Variants in RAD51B observed in about 807,000 individuals in gnomAD.
RAD51B encodes the protein RAD51 paralog B, also known as DNA repair protein RAD51 homolog 2.
RAD51B carries 38 observed loss-of-function variants against 42.2 expected under a neutral mutation model. That is an observed-to-expected ratio of 0.90 (90% CI 0.70 to 1.18). RAD51B has a LOEUF of 1.18. RAD51B is among the 50% of genes most tolerant of loss of function. RAD51B has a pLI of 0.00. For missense variants in RAD51B, 373 were observed against 400.7 expected (o/e 0.93, Z 0.59); for synonymous variants, 154 against 145.2 (o/e 1.06, Z -0.43).
chr14:68,042,566 G>GT (rs1023389311), intron 7 of RAD51B, among the ~76,000 whole-genome samples: 11 of 151,884 alleles, frequency 7.2e-5, no homozygotes, highest in South Asian at 2.1e-4. Flanking sequence ...GAATTGAAGG[G>GT]TTTTTTTTCC....
chr14:68,095,411 G>A (rs987054842), intron 7 of RAD51B, among the ~76,000 whole-genome samples: 1 of 151,996 alleles, frequency 6.6e-6, no homozygotes, highest in Non-Finnish European at 1.5e-5. Context: ...TTGGGATCAT[G>A]CTTAATTGTG....
intron 7 of RAD51B, among the ~76,000 whole-genome samples, chr14:68,224,391 G>A (rs2079993170): frequency 6.6e-6 from 1 of 152,040 alleles, no homozygotes; most frequent in Admixed American, 6.5e-5. Flanking sequence ...AAGTGATGTA[G>A]CTCTTCCTTT....
chr14:68,604,375 G>A (rs1891355683), intron 10 of RAD51B, among the ~76,000 whole-genome samples: 1 of 79,148 alleles, frequency 1.3e-5, no homozygotes, highest in South Asian at 5.7e-4. Context: ...AAATATTCTA[G>A]AGATTTTTCA....
intron 9 of RAD51B, among the ~76,000 whole-genome samples, chr14:68,457,773 ATTTTT>A (rs771439291): frequency 1.9e-5 from 2 of 106,764 alleles, no homozygotes; most frequent in Admixed American, 9.5e-5. Context: ...TAATTTTTGT[ATTTTT>A]TTTTTTTTTT....
chr14:68,231,235 G>A (rs746211446), intron 7 of RAD51B, among the ~76,000 whole-genome samples: 2 of 152,056 alleles, frequency 1.3e-5, no homozygotes, highest in Non-Finnish European at 2.9e-5. Flanking sequence ...TTCTCAAGTG[G>A]ATGACCAGCT....
intron 9 of RAD51B, chr14:68,422,113 C>T: frequency 6.8e-7 from 1 of 1,462,506 alleles, no homozygotes; most frequent in Non-Finnish European, 9.6e-7. Context: ...TCTTTGGGAT[C>T]TTGTCTGCAA....
At chr14:68,037,718 C>G (rs1301565107) in intron 7 of RAD51B, among the ~76,000 whole-genome samples, 1 of 152,190 alleles carries the variant, frequency 6.6e-6, no homozygotes, top group Non-Finnish European at 1.5e-5. Context: ...AGTTGGTGAA[C>G]AGATCTCACT....
intron 9 of RAD51B, among the ~76,000 whole-genome samples, chr14:68,441,687 C>T (rs2085296670): frequency 6.6e-6 from 1 of 151,950 alleles, no homozygotes; most frequent in Non-Finnish European, 1.5e-5. Context: ...AATTCTAGCT[C>T]TGTTTCTAAT....
intron 7 of RAD51B, chr14:68,113,720 C>G (rs2077495390): frequency 1.3e-5 from 2 of 152,002 alleles, no homozygotes; most frequent in African/African-American, 4.8e-5. Flanking sequence ...AACTGATTAT[C>G]TGGATACCAG....
Position 67,865,156 on chromosome 14 carries a change from T to A in RAD51B, c.452+17T>A. ...TGCTGAAAGGTATGAGATTTTATTT[T>A]CTATTATAATGTTTTACTTTTGTAA... On this transcript the variant is annotated intron_variant, in intron 5 of 10. Transcript: ENST00000471583. The A allele has an allele frequency of 6.3e-7, 1 of 1,580,982 alleles. No individual in the cohort carries two copies. Among genetic ancestry groups the A allele is most frequent in the South Asian group, 1.2e-5 (1 of 86,112 alleles).
chr14:68,318,566 T>C (rs34323734), intron 8 of RAD51B, among the ~76,000 whole-genome samples: 124 of 152,302 alleles, frequency 8.1e-4, no homozygotes, highest in African/African-American at 2.1e-3. Context: ...TCAGTTGTTT[T>C]TGATATTACT....
intron 9 of RAD51B, among the ~76,000 whole-genome samples, chr14:68,434,921 G>C (rs905584213): frequency 1.3e-5 from 2 of 152,140 alleles, no homozygotes; most frequent in African/African-American, 4.8e-5. Flanking sequence ...TTTATTTGTT[G>C]ATACACCTTT....
At chr14:68,255,894 G>A (rs2080744535) in intron 7 of RAD51B, among the ~76,000 whole-genome samples, 1 of 152,208 alleles carries the variant, frequency 6.6e-6, no homozygotes, top group Non-Finnish European at 1.5e-5. Flanking sequence ...AAATGAGGCA[G>A]ATGGATTGTT....
chr14:67,895,860 T>A lies in RAD51B; in HGVS notation c.756+8656T>A, dbSNP rs760014554. Among the ~76,000 whole-genome samples the A allele has an allele frequency of 3.3e-5, 5 of 152,120 alleles. No individual in the cohort carries two copies. The East Asian group carries it at 9.6e-4, about 29-fold the overall frequency. On this transcript the variant is annotated intron_variant, in intron 7 of 10. Coordinates refer to ENST00000471583, the MANE Select transcript of RAD51B (RefSeq NM_133510.4). The stretch of plus-strand genomic sequence containing the variant: ...GCTGTGGATGTCCTCTTCTTTCATC[T>A]CTTCCTTTCTAAATTTTTTTCTTTC...
downstream of RAD51B, among the ~76,000 whole-genome samples, chr14:68,480,628 C>T (rs1300203358): frequency 6.6e-6 from 1 of 151,770 alleles, no homozygotes; most frequent in Non-Finnish European, 1.5e-5. Flanking sequence ...AGAAATTTCT[C>T]CTTGTCCCTT....
At chr14:68,502,429 G>T (rs540941923) in intron 10 of RAD51B, among the ~76,000 whole-genome samples, 41 of 152,344 alleles carry the variant, frequency 2.7e-4, no homozygotes, top group South Asian at 8.3e-4. Flanking sequence ...GAAGGCAACA[G>T]GGCTGCCTTT....
intron 7 of RAD51B, among the ~76,000 whole-genome samples, chr14:68,154,480 C>T (rs2078457558): frequency 6.6e-6 from 1 of 152,178 alleles, no homozygotes; most frequent in Non-Finnish European, 1.5e-5. Flanking sequence ...AGGCAGTTTC[C>T]TTACATGCAT....
chr14:68,476,978 G>C (rs1427734957), intron 10 of RAD51B, among the ~76,000 whole-genome samples: 1 of 152,118 alleles, frequency 6.6e-6, no homozygotes, highest in East Asian at 1.9e-4. Context: ...AGAGAGCCCA[G>C]GTTCTTTTGT....
intron 8 of RAD51B, among the ~76,000 whole-genome samples, chr14:68,320,417 G>T (rs1340871574): frequency 6.6e-6 from 1 of 152,184 alleles, no homozygotes; most frequent in Non-Finnish European, 1.5e-5. Flanking sequence ...TCTTTAAAGA[G>T]CCTGAGGAGA....
Sources: gnomAD v4.1 joint callset for allele counts (sites outside exome capture counted in the v4.1 genomes callset) on GRCh38, gnomAD v4.1.1 for gene constraint, MANE v1.5 for transcripts, NCBI Gene and HGNC (gene_info 2026-07-23, HGNC 2026-07-21) for gene names.